TLR6: variants seen among roughly 807,000 people sequenced by gnomAD.
The protein encoded by TLR6 is toll like receptor 6.
A neutral mutation model predicts 16.1 loss-of-function variants in TLR6; 9 were observed. The ratio of observed to expected loss-of-function variants is 0.56; its 90% CI spans 0.34 to 0.98. The LOEUF (loss-of-function observed/expected upper bound fraction) is 0.98, where lower values mean the gene tolerates loss of function less well. TLR6 is among the 50% of genes least tolerant of loss of function. The pLI is 0.02. For synonymous variants in TLR6, 340 were observed against 338.6 expected (o/e 1.00, Z -0.04); for missense variants, 786 against 921.0 (o/e 0.85, Z 1.90).
chr4:38,859,565 C>CTTTT (rs372944785), upstream of TLR6, among the ~76,000 whole-genome samples: 1,015 of 122,084 alleles, frequency 8.3e-3, 49 homozygotes, highest in East Asian at 0.047. Context: ...GATTATTGGC[C>CTTTT]TTTTTTTTTT....
intron 1 of TLR6, among the ~76,000 whole-genome samples, chr4:38,856,019 T>G (rs938276380): frequency 6.6e-6 from 1 of 151,746 alleles, no homozygotes; most frequent in African/African-American, 2.4e-5. Flanking sequence ...AAAAATTAAG[T>G]GAAATAAGTG....
intron 1 of TLR6, among the ~76,000 whole-genome samples, chr4:38,830,337 C>T (rs556442385): frequency 1.3e-5 from 2 of 152,296 alleles, no homozygotes; most frequent in Admixed American, 6.5e-5. Flanking sequence ...AATAGCCACA[C>T]ATGACAAAGA....
At chr4:38,839,924 C>G (rs1213751241) in intron 1 of TLR6, among the ~76,000 whole-genome samples, 3 of 152,218 alleles carry the variant, frequency 2.0e-5, no homozygotes, top group Non-Finnish European at 2.9e-5. Context: ...AGACTTTCAG[C>G]AGTGCTGATT....
upstream of TLR6, among the ~76,000 whole-genome samples, chr4:38,861,004 C>T (rs1713180843): frequency 2.0e-5 from 3 of 152,254 alleles, no homozygotes; most frequent in South Asian, 6.2e-4. Context: ...CTGAGACCTA[C>T]ACGCTGGCCT....
In TLR6 at chr4:38,829,645, A is replaced by T. The variant is rs1727736805; in HGVS notation, c.-64-108T>A. ...GATTTCTTCATTCACTAGTAGAGTCATTTCTGTCCCCATAATTTAATGTAA... is the reference window on the plus strand; with the variant it reads ...GATTTCTTCATTCACTAGTAGAGTCTTTTCTGTCCCCATAATTTAATGTAA... On this transcript the variant is annotated intron_variant, in intron 1 of 1. Transcript: ENST00000436693. 4 of 557,040 alleles carry T rather than the reference A, an allele frequency of 7.2e-6. No homozygotes were observed. In the South Asian group the frequency reaches 7.4e-5, roughly 10 times the overall value. The allele number at this position is 557,040 out of a possible 1,614,324, so 34.5% of individuals were successfully genotyped here. A position where few individuals can be genotyped will look rare whatever the true frequency, so the allele number is the denominator to read the frequency against.
chr4:38,867,773 C>G, the TLR6 span: 1 of 151,462 alleles, frequency 6.6e-6, no homozygotes, highest in Non-Finnish European at 1.5e-5. Flanking sequence ...CCCCGCCGGC[C>G]CTGCAGACGT....
chr4:38,832,977 A>T (rs1001618159), intron 1 of TLR6, among the ~76,000 whole-genome samples: 2 of 151,990 alleles, frequency 1.3e-5, no homozygotes, highest in Non-Finnish European at 2.9e-5. Context: ...GGACAGGTCC[A>T]CCATGCCCTT....
At chr4:38,833,138 C>T (rs1394499201) in intron 1 of TLR6, among the ~76,000 whole-genome samples, 1 of 152,164 alleles carries the variant, frequency 6.6e-6, no homozygotes, top group Non-Finnish European at 1.5e-5. Context: ...GTCCACTTTT[C>T]CTACTGCTAC....
intron 1 of TLR6, among the ~76,000 whole-genome samples, chr4:38,855,181 C>T (rs1384860624): frequency 6.9e-6 from 1 of 145,014 alleles, no homozygotes; most frequent in African/African-American, 2.6e-5. Context: ...CGCTGCACTC[C>T]AGCCTGGGCG....
intron 1 of TLR6, among the ~76,000 whole-genome samples, chr4:38,836,119 G>T (rs1579246572): frequency 6.6e-6 from 1 of 151,808 alleles, no homozygotes; most frequent in Middle Eastern, 3.2e-3. Context: ...GAGAAAGAAA[G>T]AAATACTAAA....
the TLR6 span, among the ~76,000 whole-genome samples, chr4:38,862,590 ATTTTTTTTTTTTTT>A: frequency 1.4e-5 from 1 of 73,718 alleles, no homozygotes; most frequent in African/African-American, 6.2e-5. Context: ...CCCAATCACC[ATTTTTTTTTTTTTT>A]TTTTTTTTTG....
chr4:38,837,043 GCCCCTACAACAAAAA>G (rs1043400040), intron 1 of TLR6, among the ~76,000 whole-genome samples: 2 of 151,406 alleles, frequency 1.3e-5, no homozygotes, highest in African/African-American at 4.8e-5. Context: ...AAGGCAAAAG[GCCCCTACAACAAAAA>G]CTACAAAATA....
chr4:38,862,082 G>GC, the TLR6 span, among the ~76,000 whole-genome samples: 1 of 152,132 alleles, frequency 6.6e-6, no homozygotes, highest in African/African-American at 2.4e-5. Flanking sequence ...ATCTTCCCCT[G>GC]AAATTCTATA....
At chr4:38,837,794 C>A (rs1410453683) in intron 1 of TLR6, among the ~76,000 whole-genome samples, 1 of 152,128 alleles carries the variant, frequency 6.6e-6, no homozygotes, top group Non-Finnish European at 1.5e-5. Flanking sequence ...AAACAATCAA[C>A]AGGGTGAATA....
intron 1 of TLR6, among the ~76,000 whole-genome samples, chr4:38,831,028 GAA>G (rs58030836): frequency 0.25 from 36,575 of 144,174 alleles, 4,894 homozygotes; most frequent in Non-Finnish European, 0.29. Context: ...TCATTCACAG[GAA>G]AAAAAAAAAA....
exon 2 of TLR6, chr4:38,829,228 T>C: frequency 1.2e-6 from 2 of 1,614,148 alleles, no homozygotes; most frequent in Non-Finnish European, 1.7e-6. Context: ...TATGGGAAAG[T>C]CTCAAAACTG....
At chr4:38,866,209 T>C in the TLR6 span, among the ~76,000 whole-genome samples, 1 of 141,388 alleles carries the variant, frequency 7.1e-6, no homozygotes, top group Non-Finnish European at 1.5e-5. Flanking sequence ...ATAAGAAATA[T>C]AGCCAGGCAC....
upstream of TLR6, among the ~76,000 whole-genome samples, chr4:38,857,337 C>T (rs978690708): frequency 4.6e-5 from 7 of 151,994 alleles, no homozygotes; most frequent in African/African-American, 9.7e-5. Flanking sequence ...GCCATATGTA[C>T]GAGCAATCAT....
At chr4:38,837,675 C>T (rs1190449750) in intron 1 of TLR6, among the ~76,000 whole-genome samples, 2 of 152,106 alleles carry the variant, frequency 1.3e-5, no homozygotes, top group Non-Finnish European at 2.9e-5. Flanking sequence ...TGCTTGAGGA[C>T]ACTGGTCTAG....
Sources: gnomAD v4.1 joint callset for allele counts (sites outside exome capture counted in the v4.1 genomes callset) on GRCh38, gnomAD v4.1.1 for gene constraint, MANE v1.5 for transcripts, NCBI Gene and HGNC (gene_info 2026-07-23, HGNC 2026-07-21) for gene names.